The following CPB2 variants were observed in gnomAD, a reference collection of about 807,000 sequenced individuals.
CPB2 encodes the protein carboxypeptidase B2.
A neutral mutation model predicts 57.0 loss-of-function variants in CPB2; 54 were observed. The ratio of observed to expected loss-of-function variants is 0.95; its 90% confidence interval spans 0.76 to 1.19. The LOEUF (loss-of-function observed/expected upper bound fraction) is 1.19. CPB2 is among the 50% of genes most tolerant of loss of function. CPB2 has a pLI of 0.00. For synonymous variants in CPB2, 189 were observed against 178.1 expected, an observed-to-expected ratio of 1.06 and a Z score of -0.49; for missense variants, 426 against 512.0, an observed-to-expected ratio of 0.83 and a Z score of 1.62.
At chr13:46,089,147 C>T (rs1253632137) in intron 1 of CPB2, among the ~76,000 whole-genome samples, 1 of 133,296 alleles carries the variant, frequency 7.5e-6, no homozygotes, top group African/African-American at 2.7e-5. Context: ...AAGAAATAGA[C>T]TTCTTTTTTT....
chr13:46,086,991 C>T (rs1294063126), intron 2 of CPB2, among the ~76,000 whole-genome samples: 1 of 152,252 alleles, frequency 6.6e-6, no homozygotes, highest in Non-Finnish European at 1.5e-5. Context: ...GGAGCAGGCA[C>T]TTGCGAGCCT....
At chr13:46,098,111 G>A (rs2045390758) in intron 1 of CPB2, among the ~76,000 whole-genome samples, 1 of 152,186 alleles carries the variant, frequency 6.6e-6, no homozygotes, top group African/African-American at 2.4e-5. Flanking sequence ...TAGGCGTTCT[G>A]TAATATTCCC....
At chr13:46,061,458 G>A (rs1006035083) in intron 8 of CPB2, among the ~76,000 whole-genome samples, 2 of 152,162 alleles carry the variant, frequency 1.3e-5, no homozygotes. Context: ...CCTTTAAGGA[G>A]ACAAAGTGAA....
chr13:46,064,781 C>T (rs1285728935), intron 7 of CPB2, 40 bp from the exon 8 acceptor site: 4 of 1,514,182 alleles, frequency 2.6e-6, no homozygotes, highest in South Asian at 2.3e-5. Flanking sequence ...TGGGTAGCCA[C>T]GTTCAAGGCC....
At chr13:46,076,224 A>G (rs925215420) in intron 5 of CPB2, among the ~76,000 whole-genome samples, 2 of 152,222 alleles carry the variant, frequency 1.3e-5, no homozygotes, top group South Asian at 2.1e-4. Flanking sequence ...GTTTTAGATG[A>G]CACGATCTTA....
intron 9 of CPB2, among the ~76,000 whole-genome samples, chr13:46,056,287 C>T (rs1014538150): frequency 6.6e-6 from 1 of 152,282 alleles, no homozygotes; most frequent in Non-Finnish European, 1.5e-5. Flanking sequence ...TCTTATCCTT[C>T]TCACAACTTC....
chr13:46,082,133 G>A (rs1421572739), intron 4 of CPB2, among the ~76,000 whole-genome samples: 1 of 152,094 alleles, frequency 6.6e-6, no homozygotes, highest in Admixed American at 6.6e-5. Context: ...TAATTTTTTG[G>A]TGGCAGTTTT....
Position 46,069,818 on chromosome 13 carries a change from G to A in CPB2, c.592-2401C>T, listed in dbSNP as rs376157692. Reference sequence around the variant, plus strand: ...TTGCTATAATCATTTGTCAACATATGTGTTCACTTGTCTTGGGTATACACC... The same window carrying A: ...TTGCTATAATCATTTGTCAACATATATGTTCACTTGTCTTGGGTATACACC... On this transcript the variant is annotated intron_variant, in intron 6 of 10. Coordinates refer to ENST00000181383, the MANE Select transcript of CPB2 (RefSeq NM_001872.5). Among the ~76,000 whole-genome samples, 16 of 152,196 alleles carry A rather than the reference G, an allele frequency of 1.1e-4. No homozygotes were observed. The South Asian group carries it at 3.3e-3, about 32-fold the overall frequency.
chr13:46,087,525 A>C (rs1252809464), intron 2 of CPB2, among the ~76,000 whole-genome samples: 2 of 152,214 alleles, frequency 1.3e-5, no homozygotes, highest in African/African-American at 4.8e-5. Flanking sequence ...TTATATCCCA[A>C]GGTACTATTA....
chr13:46,072,630 T>C (rs974646395), intron 6 of CPB2, among the ~76,000 whole-genome samples: 2 of 152,034 alleles, frequency 1.3e-5, no homozygotes, highest in African/African-American at 4.8e-5. Context: ...AGCAAGCAGT[T>C]TGGGTAGAGG....
intron 2 of CPB2, among the ~76,000 whole-genome samples, chr13:46,087,318 G>A (rs2045225399): frequency 6.6e-6 from 1 of 152,256 alleles, no homozygotes; most frequent in African/African-American, 2.4e-5. Context: ...GGCCGCCACT[G>A]CCATTAATAT....
chr13:46,084,221 G>C lies in CPB2; in HGVS notation c.273C>G (p.Cys91Trp). The C allele has an allele frequency of 6.2e-7, 1 of 1,614,076 alleles. No individual in the cohort carries two copies. Among genetic ancestry groups the C allele is most frequent in the East Asian group, 2.2e-5 (1 of 44,880 alleles). The change falls in exon 3 of 11, where the codon TGC (cysteine) becomes TGG (tryptophan). Residue 91 changes from cysteine to tryptophan, a missense_variant and splice_region_variant. Transcript: ENST00000181383. ...AATACGTATTGAACGGTGCCTACCTGCATGGAATTCCGCTCACATTTAAAT... is the reference window on the plus strand; with the variant it reads ...AATACGTATTGAACGGTGCCTACCTCCATGGAATTCCGCTCACATTTAAAT... ...KAHLNVSGIP[C>W]SVLLADVEDL... is the part of the protein sequence containing the mutation.
Position 46,055,625 on chromosome 13 carries a change from T to C in CPB2, c.1087+137A>G, listed in dbSNP as rs796701345. ...CATTGTCATAGCTATTATGCTTCTG[T>C]TCCTAATTATTACAATTCAGTTGTA... On this transcript the variant is annotated intron_variant, in intron 10 of 10. Transcript: ENST00000181383. 8.8e-6 allele frequency: 4 copies of C among 456,812 alleles called. No homozygotes were observed. The South Asian group carries it at 1.4e-4, about 16-fold the overall frequency. The allele number at this position is 456,812 out of a possible 1,614,324, so 28.3% of individuals were successfully genotyped here.
intron 1 of CPB2, chr13:46,100,136 GAGAA>G (rs2045416123): frequency 6.6e-6 from 1 of 151,706 alleles, no homozygotes. Context: ...TCAACAAGCA[GAGAA>G]AGAAAGAAAA....
chr13:46,081,255 T>A (rs1020449101), intron 4 of CPB2, among the ~76,000 whole-genome samples: 8 of 152,140 alleles, frequency 5.3e-5, no homozygotes, highest in African/African-American at 1.9e-4. Flanking sequence ...AAAACATAAC[T>A]TTTTTGAACA....
chr13:46,080,928 T>C (rs2045103353), intron 4 of CPB2, among the ~76,000 whole-genome samples: 1 of 140,952 alleles, frequency 7.1e-6, no homozygotes, highest in African/African-American at 2.7e-5. Flanking sequence ...GCCAAAATCA[T>C]GCTATCGCAC....
intron 2 of CPB2, among the ~76,000 whole-genome samples, chr13:46,084,766 T>G (rs1319344863): frequency 2.0e-5 from 3 of 151,898 alleles, no homozygotes; most frequent in Non-Finnish European, 2.9e-5. Flanking sequence ...CATCATGTCA[T>G]TTTTCCTTTT....
chr13:46,080,649 G>T (rs2045098080), intron 4 of CPB2, among the ~76,000 whole-genome samples: 1 of 152,104 alleles, frequency 6.6e-6, no homozygotes, highest in Admixed American at 6.6e-5. Flanking sequence ...TATACAGAGA[G>T]AGACCAGGGA....
intron 8 of CPB2, 45 bp downstream of exon 8, chr13:46,064,603 C>T (rs1449284088): frequency 6.8e-7 from 1 of 1,467,096 alleles, no homozygotes; most frequent in African/African-American, 1.4e-5. Flanking sequence ...TGAACATCAC[C>T]CTTTCAGTGA....
Sources: allele counts gnomAD v4.1 joint callset (sites outside exome capture counted in the v4.1 genomes callset), GRCh38; gene constraint gnomAD v4.1.1; transcripts MANE v1.5; gene names NCBI Gene and HGNC (gene_info 2026-07-23, HGNC 2026-07-21).